SYNE2: variants seen among roughly 807,000 people sequenced by gnomAD.
SYNE2 encodes the protein spectrin repeat containing nuclear envelope protein 2, also known as nesprin-2.
SYNE2 carries 431 observed loss-of-function variants against 856.3 expected under a neutral mutation model. The observed-to-expected ratio is 0.50, with a 90% CI of 0.47 to 0.55. SYNE2 has a LOEUF of 0.55. Ranked by LOEUF, SYNE2 falls within the 20% of genes least tolerant of loss-of-function variation. The pLI is 0.00. For missense variants in SYNE2, 8,129 were observed against 8,023.2 expected, an observed-to-expected ratio of 1.01 and a Z score of -0.50; for synonymous variants, 2,923 against 2,872.3, an observed-to-expected ratio of 1.02 and a Z score of -0.56.
At chr14:64,143,230 T>A (rs973138493) in intron 82 of SYNE2, among the ~76,000 whole-genome samples, 10 of 152,198 alleles carry the variant, frequency 6.6e-5, no homozygotes, top group African/African-American at 2.4e-4. Flanking sequence ...GGCAGAAATG[T>A]TGTTGGCCCT....
intron 1 of SYNE2, among the ~76,000 whole-genome samples, chr14:63,791,078 C>T (rs754709740): frequency 4.6e-5 from 7 of 152,066 alleles, no homozygotes; most frequent in Non-Finnish European, 1.0e-4. Context: ...ATGCCTCAGC[C>T]TCCCAAGTAA....
At chr14:64,124,997 C>T (rs2097928289) in intron 70 of SYNE2, 82 bp from the exon 71 acceptor site, 3 of 1,563,828 alleles carry the variant, frequency 1.9e-6, no homozygotes, top group South Asian at 1.2e-5. Context: ...AGCAAGACTC[C>T]ATCTCGAAAA....
chr14:64,089,326 A>G (rs998303302), intron 58 of SYNE2, among the ~76,000 whole-genome samples: 4 of 140,116 alleles, frequency 2.9e-5, no homozygotes, highest in East Asian at 4.6e-4. Flanking sequence ...AGATCGCGAC[A>G]TTGCACTCCA....
At chr14:64,224,174 G>A (rs570426095) in intron 113 of SYNE2, among the ~76,000 whole-genome samples, 137 of 91,594 alleles carry the variant, frequency 1.5e-3, no homozygotes, top group South Asian at 5.3e-3. Flanking sequence ...GTGAAATCCC[G>A]TCTCTGCAAA....
chr14:63,914,162 C>G (rs1209338649), intron 2 of SYNE2, among the ~76,000 whole-genome samples: 2 of 152,206 alleles, frequency 1.3e-5, no homozygotes, highest in African/African-American at 4.8e-5. Flanking sequence ...GAAACAACAT[C>G]TGTGCTGAGC....
rs1274855952 is a variant in SYNE2, at chr14:63,976,543, T to G, written c.1129-20T>G. ...AAGTTCTACTGAAGAATATGTTCTT[T>G]TTTTTTTTTTTTTTTTCAGATTAAT... On this transcript the variant is annotated intron_variant, in intron 11 of 115. Transcript: ENST00000555002. 1 of 986,890 alleles carries G rather than the reference T, an allele frequency of 1.0e-6. No homozygotes were observed. Among genetic ancestry groups the G allele is most frequent in the African/African-American group, 2.3e-5 (1 of 44,440 alleles). 61.1% of individuals were successfully genotyped at this position (986,890 alleles called of 1,614,324 possible). A position where few individuals can be genotyped will look rare whatever the true frequency, so the allele number is the denominator to read the frequency against.
At chr14:64,145,740 C>T (rs2098179183) in intron 83 of SYNE2, among the ~76,000 whole-genome samples, 4 of 152,046 alleles carry the variant, frequency 2.6e-5, no homozygotes. Context: ...AGAAATTTTT[C>T]TTATACTTTA....
At chr14:64,044,856 A>G (rs1034355066) in intron 45 of SYNE2, among the ~76,000 whole-genome samples, 2 of 151,434 alleles carry the variant, frequency 1.3e-5, no homozygotes, top group African/African-American at 2.5e-5. Flanking sequence ...TGTAAGTCCA[A>G]TGAAACCTCT....
chr14:64,005,717 G>A (rs549038850), intron 30 of SYNE2, among the ~76,000 whole-genome samples: 4 of 152,164 alleles, frequency 2.6e-5, no homozygotes, highest in Non-Finnish European at 5.9e-5. Flanking sequence ...AAAAATACAT[G>A]GCATTAGGAA....
rs755078649 is a variant in SYNE2 at position 64,177,445 on chromosome 14, C to T, written c.17518C>T (p.Leu5840Phe). 3.1e-6 allele frequency: 5 copies of T among 1,614,134 alleles called. No individual in the cohort carries two copies. The highest frequency in any genetic ancestry group is 3.4e-6 in the Non-Finnish European group (4 of 1,180,018). Reference protein sequence around the residue: ...KAQSEDPLPELHEDLHNEKEL... With the variant: ...KAQSEDPLPEFHEDLHNEKEL... ...ACAAAGTGAAGATCCTCTTCCAGAG[C>T]TTCACGAGGACCTCCATAACGAAAA... is the stretch of plus-strand genomic sequence containing the variant. The change falls in exon 96 of 116, where the codon CTT becomes TTT. Residue 5840 changes from leucine to phenylalanine, a missense_variant. This residue lies in a region of SYNE2 where 5,410 missense variants were observed against 5,284.8 expected (regional missense o/e 1.02). Transcript: ENST00000555002.
chr14:64,000,450 A>G (rs2096745253), intron 27 of SYNE2, 112 bp from the exon 28 acceptor site: 4 of 993,080 alleles, frequency 4.0e-6, no homozygotes, highest in African/African-American at 1.6e-5. Context: ...ACATTTACAT[A>G]TGAAACATTG....
chr14:64,197,395 G>A (rs2098545266), intron 99 of SYNE2, among the ~76,000 whole-genome samples: 2 of 152,222 alleles, frequency 1.3e-5, no homozygotes, highest in South Asian at 2.1e-4. Flanking sequence ...GAGCTCAGAC[G>A]TGTATTGTAA....
chr14:63,950,207 C>T lies in SYNE2; in HGVS notation c.590+201C>T, dbSNP rs527346528. Among the ~76,000 whole-genome samples the T allele has an allele frequency of 5.3e-5, 8 of 152,230 alleles. No individual in the cohort carries two copies. The East Asian group carries it at 7.7e-4, about 15-fold the overall frequency. On this transcript the variant is annotated intron_variant, in intron 7 of 115. Transcript: ENST00000555002. ...TGGAAGGTGGTATCACCTGGGTAAA[C>T]GAACTCATCCCACCTGCTGTGTTTA... is the stretch of plus-strand genomic sequence containing the variant.
chr14:64,053,681 T>C (rs1383297070), intron 48 of SYNE2, 24 bp downstream of exon 48: 1 of 1,610,102 alleles, frequency 6.2e-7, no homozygotes, highest in South Asian at 1.1e-5. Context: ...ATTATGCAGT[T>C]AGTGGCTGGG....
At chr14:64,219,114 T>TTG (rs953523253) in intron 109 of SYNE2, 94 bp from the exon 110 acceptor site, 4 of 959,462 alleles carry the variant, frequency 4.2e-6, no homozygotes, top group Admixed American at 2.9e-5. Flanking sequence ...GTTTTTTTTT[T>TTG]TTTTTTTTTT....
rs74058062 is a variant in SYNE2 at position 63,858,824 on chromosome 14, C to T, written c.-52+5681C>T. 9.0e-3 allele frequency among the ~76,000 whole-genome samples: 1,363 copies of T among 152,180 alleles called. 20 individuals carry two copies. The highest frequency in any genetic ancestry group is 0.031 in the African/African-American group (1,307 of 41,518). ...AACAATATCTTTTGAAGATACTGTT[C>T]TTAATTTTGATGAAGTACAATTTGT... On this transcript the variant is annotated intron_variant, in intron 1 of 115. Transcript: ENST00000555002.
intron 2 of SYNE2, among the ~76,000 whole-genome samples, chr14:63,931,471 A>C (rs907418952): frequency 1.3e-5 from 2 of 151,316 alleles, no homozygotes; most frequent in Admixed American, 6.6e-5. Context: ...AATCACTTGA[A>C]CCTGGGAGGC....
intron 50 of SYNE2, 59 bp downstream of exon 50, chr14:64,062,954 G>A: frequency 6.3e-7 from 1 of 1,594,336 alleles, no homozygotes. Context: ...GAACAAACTG[G>A]CAGAGGCAGC....
rs538386746 is a variant in SYNE2 at position 64,046,740 on chromosome 14, C to T, written c.7222-1260C>T. On this transcript the variant is annotated intron_variant, in intron 45 of 115. Transcript: ENST00000555002. ...CACCTCGTCTACTTGGTCCACTGTG[C>T]TCAACCCCTTGCTGGAGGGAGCACA... 1.4e-3 allele frequency among the ~76,000 whole-genome samples: 206 copies of T among 152,220 alleles called. 1 individual carries two copies. Among genetic ancestry groups the T allele is most frequent in the Admixed American group, 3.1e-3 (48 of 15,286 alleles).
Sources: allele counts gnomAD v4.1 joint callset (sites outside exome capture counted in the v4.1 genomes callset), GRCh38; gene constraint gnomAD v4.1.1; regional missense constraint gnomAD v4.1.1; transcripts MANE v1.5; gene names NCBI Gene and HGNC (gene_info 2026-07-23, HGNC 2026-07-21).